The following FSTL1 variants were observed in gnomAD, a reference collection of about 807,000 sequenced individuals.
The protein encoded by FSTL1 is follistatin-related protein 1.
A neutral mutation model predicts 45.9 loss-of-function variants in FSTL1; 24 were observed. The ratio of observed to expected loss-of-function variants is 0.52; its 90% CI spans 0.38 to 0.74. The LOEUF (loss-of-function observed/expected upper bound fraction) is 0.74, where lower values mean the gene tolerates loss of function less well. Ranked by LOEUF, FSTL1 falls within the 30% of genes least tolerant of loss-of-function variation. The pLI is 0.00. For missense variants in FSTL1, 340 were observed against 381.8 expected (o/e 0.89, Z 0.91); for synonymous variants, 120 against 137.6 (o/e 0.87, Z 0.89).
chr3:120,438,664 C>A (rs753212696), intron 2 of FSTL1, among the ~76,000 whole-genome samples: 1 of 152,132 alleles, frequency 6.6e-6, no homozygotes, highest in Non-Finnish European at 1.5e-5. Flanking sequence ...ATGAATAGGA[C>A]TTCAAAGCTG....
At chr3:120,427,253 CT>C (rs1433276132) in intron 2 of FSTL1, among the ~76,000 whole-genome samples, 1 of 152,186 alleles carries the variant, frequency 6.6e-6, no homozygotes, top group Non-Finnish European at 1.5e-5. Flanking sequence ...TGAATTCCCC[CT>C]TCCTTCTCTG....
At chr3:120,412,838 GCACACA>G (rs71156798) in intron 3 of FSTL1, among the ~76,000 whole-genome samples, 211 of 106,146 alleles carry the variant, frequency 2.0e-3, no homozygotes, top group Middle Eastern at 5.4e-3. Context: ...GCGCGCGCGC[GCACACA>G]CACACACACA....
rs1936690380 is a variant in FSTL1, at chr3:120,395,960, T to A, written c.*992A>T. On this transcript the variant is annotated 3_prime_UTR_variant, in exon 11 of 11. Coordinates refer to ENST00000295633, the MANE Select transcript of FSTL1 (RefSeq NM_007085.5). ...ACTTCTCAGAATAAATAAAAACAAATTAATGTTTGGATCTTGAAAGTTTTT... is the reference window on the plus strand; with the variant it reads ...ACTTCTCAGAATAAATAAAAACAAAATAATGTTTGGATCTTGAAAGTTTTT... 1 of 298,090 alleles carries A rather than the reference T, an allele frequency of 3.4e-6. No individual in the cohort carries two copies. Among genetic ancestry groups the A allele is most frequent in the Non-Finnish European group, 6.4e-6 (1 of 155,804 alleles). The allele number at this position is 298,090 out of a possible 1,614,324, so 18.5% of individuals were successfully genotyped here. A position where few individuals can be genotyped will look rare whatever the true frequency, so the allele number is the denominator to read the frequency against.
chr3:120,414,433 G>A (rs528087082), intron 3 of FSTL1, among the ~76,000 whole-genome samples: 10 of 150,852 alleles, frequency 6.6e-5, no homozygotes, highest in East Asian at 3.9e-4. Flanking sequence ...CTGCCCGGCC[G>A]CCCCTACTGG....
At chr3:120,420,039 G>A (rs1270335386) in intron 2 of FSTL1, among the ~76,000 whole-genome samples, 2 of 152,204 alleles carry the variant, frequency 1.3e-5, no homozygotes, top group African/African-American at 2.4e-5. Context: ...TAGAACAAAG[G>A]CCAGTCTGAC....
chr3:120,439,790 T>C (rs1170528476), intron 2 of FSTL1, among the ~76,000 whole-genome samples: 1 of 152,192 alleles, frequency 6.6e-6, no homozygotes, highest in Non-Finnish European at 1.5e-5. Context: ...CAGTTGTGAA[T>C]ACATCTGAAG....
intron 3 of FSTL1, among the ~76,000 whole-genome samples, chr3:120,413,115 G>A (rs1272979459): frequency 6.6e-6 from 1 of 152,082 alleles, no homozygotes; most frequent in Non-Finnish European, 1.5e-5. Context: ...CAGTTTCTTT[G>A]GACTTCTATG....
rs1264224877 is a variant in FSTL1, at chr3:120,394,300, T to C, written c.*2652A>G. The C allele has an allele frequency of 6.6e-6, 1 of 152,172 alleles. No homozygotes were observed. Among genetic ancestry groups the C allele is most frequent in the Non-Finnish European group, 1.5e-5 (1 of 68,036 alleles). 9.4% of individuals were successfully genotyped at this position (152,172 alleles called of 1,614,324 possible). On this transcript the variant is annotated 3_prime_UTR_variant, in exon 11 of 11. Coordinates refer to ENST00000295633, the MANE Select transcript of FSTL1 (RefSeq NM_007085.5). ...ACCATCACTTTAATTTCTTTATTCATCAATAGTATCCGAAAAGGAAGAATC... is the reference window on the plus strand; with the variant it reads ...ACCATCACTTTAATTTCTTTATTCACCAATAGTATCCGAAAAGGAAGAATC...
chr3:120,415,139 TAA>T (rs796807958), intron 3 of FSTL1, among the ~76,000 whole-genome samples: 1 of 142,894 alleles, frequency 7.0e-6, no homozygotes, highest in Non-Finnish European at 1.5e-5. Flanking sequence ...AAAAAAACAT[TAA>T]AAAAAAAAAA....
At chr3:120,444,577 C>G (rs1002095948) in intron 2 of FSTL1, among the ~76,000 whole-genome samples, 2 of 149,760 alleles carry the variant, frequency 1.3e-5, no homozygotes, top group Non-Finnish European at 2.9e-5. Flanking sequence ...GACATCGTGA[C>G]GATTCTTGTG....
At chr3:120,403,801 TATC>T (rs1359839071) in intron 7 of FSTL1, among the ~76,000 whole-genome samples, 1 of 151,534 alleles carries the variant, frequency 6.6e-6, no homozygotes. Flanking sequence ...GAATCACCAT[TATC>T]ATCCTTCTAG....
chr3:120,411,331 C>A, intron 4 of FSTL1: 1 of 237,364 alleles, frequency 4.2e-6, no homozygotes, highest in Non-Finnish European at 8.3e-6. Flanking sequence ...CTTGTTTCTT[C>A]AAGGAAGGGC....
chr3:120,446,536 G>C (rs1476437524), intron 2 of FSTL1, among the ~76,000 whole-genome samples: 1 of 152,040 alleles, frequency 6.6e-6, no homozygotes, highest in Admixed American at 6.5e-5. Flanking sequence ...TTCCAGCAAT[G>C]GTCTTTAGAA....
chr3:120,403,920 C>CAAAAAAAAAAAAAAAAA (rs34145564), intron 7 of FSTL1, among the ~76,000 whole-genome samples: 13 of 52,134 alleles, frequency 2.5e-4, no homozygotes, highest in Admixed American at 8.5e-4. Flanking sequence ...GACTCCGTCT[C>CAAAAAAAAAAAAAAAAA]AAAAAAAAAA....
intron 10 of FSTL1, among the ~76,000 whole-genome samples, chr3:120,398,652 C>T (rs1326770122): frequency 4.6e-5 from 7 of 152,196 alleles, no homozygotes; most frequent in Non-Finnish European, 7.3e-5. Flanking sequence ...GGACTCATTT[C>T]CCAAATCTCC....
chr3:120,429,215 G>A (rs1446795385), intron 2 of FSTL1, among the ~76,000 whole-genome samples: 1 of 152,184 alleles, frequency 6.6e-6, no homozygotes, highest in African/African-American at 2.4e-5. Context: ...CCCTTCAGAG[G>A]GCATCCAAAG....
At chr3:120,447,258 G>A (rs578140108) in intron 2 of FSTL1, among the ~76,000 whole-genome samples, 1 of 152,326 alleles carries the variant, frequency 6.6e-6, no homozygotes, top group South Asian at 2.1e-4. Flanking sequence ...CCAATGGGAG[G>A]GGGATGGGAA....
chr3:120,415,789 C>A, intron 3 of FSTL1, 134 bp downstream of exon 3: 6 of 510,158 alleles, frequency 1.2e-5, no homozygotes, highest in South Asian at 4.0e-5. Flanking sequence ...ATAAGAATTC[C>A]ACGTTTTTCA....
intron 2 of FSTL1, among the ~76,000 whole-genome samples, chr3:120,446,893 A>G (rs1220791889): frequency 2.6e-5 from 4 of 152,228 alleles, no homozygotes; most frequent in South Asian, 2.1e-4. Flanking sequence ...ATACACTCAA[A>G]GTTCATGGGT....
Sources: gnomAD v4.1 joint callset for allele counts (sites outside exome capture counted in the v4.1 genomes callset) on GRCh38, gnomAD v4.1.1 for gene constraint, MANE v1.5 for transcripts, NCBI Gene and HGNC (gene_info 2026-07-23, HGNC 2026-07-21) for gene names.